TMEM245: variants seen among roughly 807,000 people sequenced by gnomAD.
The protein encoded by TMEM245 is protein CG-2.
Under a neutral mutation model 101.2 loss-of-function variants are expected in TMEM245, and 69 were observed. That is an observed-to-expected ratio of 0.68 (90% confidence interval 0.56 to 0.83). TMEM245 has a LOEUF of 0.83. TMEM245 is among the 40% of genes least tolerant of loss of function. The pLI is 0.00. For synonymous variants in TMEM245, 537 were observed against 449.8 expected (o/e 1.19, Z -2.45); for missense variants, 1,075 against 1,092.8 (o/e 0.98, Z 0.23).
rs1048904464 is a variant in TMEM245 at position 109,036,388 on chromosome 9, A to G, written c.2225-8T>C. 7 of 1,569,494 alleles carry G rather than the reference A, an allele frequency of 4.5e-6. No individual in the cohort carries two copies. Among genetic ancestry groups the G allele is most frequent in the Non-Finnish European group, 5.2e-6 (6 of 1,163,906 alleles). ...CAAGGATTGCTGCTAATGCTGAAAA[A>G]AGAGTAAAAGAAAAACAACTTAACA... On this transcript the variant is annotated splice_polypyrimidine_tract_variant and splice_region_variant and intron_variant, in intron 15 of 17. Transcript: ENST00000374586.
chr9:109,113,438 C>T (rs926235223), intron 1 of TMEM245, among the ~76,000 whole-genome samples: 2 of 152,172 alleles, frequency 1.3e-5, no homozygotes, highest in South Asian at 4.1e-4. Context: ...GCATATTTTT[C>T]CAAACTTATG....
intron 1 of TMEM245, among the ~76,000 whole-genome samples, chr9:109,110,990 C>T (rs985345454): frequency 1.3e-5 from 2 of 151,914 alleles, no homozygotes; most frequent in East Asian, 1.9e-4. Context: ...ATTAATTTTG[C>T]GCTACCAAAC....
chr9:109,051,543 C>A (rs757103035), intron 12 of TMEM245, among the ~76,000 whole-genome samples: 8 of 152,046 alleles, frequency 5.3e-5, no homozygotes, highest in Non-Finnish European at 1.0e-4. Context: ...AACTATAAAC[C>A]TTTGTAGCGT....
rs1828864946 is a variant in TMEM245, at chr9:109,057,202, T to C, written c.1843A>G (p.Thr615Ala). The change falls in exon 12 of 18, where the codon ACA (threonine) becomes GCA (alanine). Residue 615 changes from threonine (T) to alanine (A), a missense_variant. Physicochemically the swap from Thr to Ala is moderately conservative, Grantham distance 58. Transcript: ENST00000374586. ...IVSFVHENIE[T>A]FLSILESLWI... The stretch of plus-strand genomic sequence containing the variant: ...ATGCTATTTCTTACCGAAAGAAATG[T>C]CTCAATGTTCTCGTGAACAAAGGAA... 6.2e-7 allele frequency: 1 copy of C among 1,613,328 alleles called. No individual in the cohort carries two copies. The highest frequency in any genetic ancestry group is 1.3e-5 in the African/African-American group (1 of 74,916).
chr9:109,066,553 C>A (rs1327850700), intron 9 of TMEM245, among the ~76,000 whole-genome samples: 2 of 144,248 alleles, frequency 1.4e-5, no homozygotes. Flanking sequence ...AGCATATAAA[C>A]AGGAAATCTG....
At chr9:109,075,384 A>G (rs1829467095) in intron 8 of TMEM245, among the ~76,000 whole-genome samples, 1 of 152,206 alleles carries the variant, frequency 6.6e-6, no homozygotes, top group Non-Finnish European at 1.5e-5. Flanking sequence ...TCATAAAATG[A>G]GCTGACAAGT....
Position 109,050,430 on chromosome 9 carries a change from T to C in TMEM245, c.1978-2A>G. 4.3e-6 allele frequency: 7 copies of C among 1,613,850 alleles called. No individual in the cohort carries two copies. The highest frequency in any genetic ancestry group is 1.3e-5 in the African/African-American group (1 of 75,006). On this transcript the variant is annotated splice_acceptor_variant, in intron 13 of 17. Transcript: ENST00000374586. LOFTEE classifies it high-confidence loss of function. ...AAATAGTGTGGTCAGGAAAATTATCTGCAAAACAAAGGACAACATCTCCTA... is the reference window on the plus strand; with the variant it reads ...AAATAGTGTGGTCAGGAAAATTATCCGCAAAACAAAGGACAACATCTCCTA...
At chr9:109,118,412 A>C (rs191694974) in intron 1 of TMEM245, among the ~76,000 whole-genome samples, 1 of 152,352 alleles carries the variant, frequency 6.6e-6, no homozygotes, top group Non-Finnish European at 1.5e-5. Context: ...TTATGAATCA[A>C]TTGGCATTCT....
Position 109,019,522 on chromosome 9 carries a change from T to G in TMEM245, c.*938A>C, listed in dbSNP as rs937126952. On this transcript the variant is annotated 3_prime_UTR_variant, in exon 18 of 18. Transcript: ENST00000374586. ...AGTTGCAATTCAATTCAACAAGCAT[T>G]CATTTAGAGTCATGTGCAAGGCACT... is the stretch of plus-strand genomic sequence containing the variant. 1 of 152,258 alleles carries G rather than the reference T, an allele frequency of 6.6e-6. No homozygotes were observed. The highest frequency in any genetic ancestry group is 2.4e-5 in the African/African-American group (1 of 41,478). The allele number at this position is 152,258 out of a possible 1,614,324, so 9.4% of individuals were successfully genotyped here. A position where few individuals can be genotyped will look rare whatever the true frequency, so the allele number is the denominator to read the frequency against.
At chr9:109,070,790 C>T (rs1304445919) in intron 9 of TMEM245, among the ~76,000 whole-genome samples, 20 of 152,228 alleles carry the variant, frequency 1.3e-4, no homozygotes, top group Admixed American at 1.3e-3. Flanking sequence ...ATCTTACTGT[C>T]ACTACAGATT....
chr9:109,031,640 C>A (rs934450891), intron 17 of TMEM245, among the ~76,000 whole-genome samples: 1 of 152,122 alleles, frequency 6.6e-6, no homozygotes, highest in Admixed American at 6.5e-5. Context: ...GAGAAGCCTT[C>A]CAGAACAACA....
At chr9:109,114,805 G>T (rs1468280140) in intron 1 of TMEM245, among the ~76,000 whole-genome samples, 1 of 152,194 alleles carries the variant, frequency 6.6e-6, no homozygotes, top group Non-Finnish European at 1.5e-5. Context: ...CTCCACCATG[G>T]GAAGATGCCA....
At chr9:109,098,625 G>A (rs1374482417) in intron 3 of TMEM245, among the ~76,000 whole-genome samples, 1 of 151,574 alleles carries the variant, frequency 6.6e-6, no homozygotes, top group Non-Finnish European at 1.5e-5. Context: ...CCAGGACTGA[G>A]AATCTTGGCC....
intron 3 of TMEM245, 92 bp from the exon 4 acceptor site, chr9:109,093,683 A>C: frequency 9.7e-7 from 1 of 1,026,710 alleles, no homozygotes; most frequent in East Asian, 2.4e-5. Context: ...ACAACAACAA[A>C]ATAAAATGGT....
At chr9:109,108,826 T>C (rs951640926) in intron 1 of TMEM245, among the ~76,000 whole-genome samples, 4 of 152,126 alleles carry the variant, frequency 2.6e-5, no homozygotes, top group Non-Finnish European at 5.9e-5. Context: ...TCAAAACCCA[T>C]CTTATACACA....
intron 1 of TMEM245, 39 bp from the exon 2 acceptor site, chr9:109,108,609 C>A (rs1462926329): frequency 7.0e-7 from 1 of 1,424,084 alleles, no homozygotes; most frequent in Admixed American, 1.9e-5. Flanking sequence ...AATCTATACA[C>A]GTGAAAATGA....
intron 16 of TMEM245, among the ~76,000 whole-genome samples, chr9:109,034,789 G>A (rs1828068618): frequency 6.6e-6 from 1 of 152,098 alleles, no homozygotes; most frequent in Non-Finnish European, 1.5e-5. Flanking sequence ...GGGAGTTTAT[G>A]AATAAAAGCT....
Position 109,018,107 on chromosome 9 carries a change from CA to C in TMEM245, c.*2352del, listed in dbSNP as rs1407861968. ...CCTGATATTTATGCTAATAATTACC[CA>C]GCAAGAAACATTAGCTGTAGTTTTT... On this transcript the variant is annotated 3_prime_UTR_variant, in exon 18 of 18. Coordinates refer to ENST00000374586, the MANE Select transcript of TMEM245 (RefSeq NM_032012.4). 1 of 152,148 alleles carries C rather than the reference CA, an allele frequency of 6.6e-6. No individual in the cohort carries two copies. The highest frequency in any genetic ancestry group is 1.5e-5 in the Non-Finnish European group (1 of 68,020). The allele number at this position is 152,148 out of a possible 1,614,324, so 9.4% of individuals were successfully genotyped here.
intron 10 of TMEM245, among the ~76,000 whole-genome samples, chr9:109,062,162 G>A (rs1588044083): frequency 6.6e-6 from 1 of 151,952 alleles, no homozygotes; most frequent in Non-Finnish European, 1.5e-5. Flanking sequence ...ACTGACACCA[G>A]ACAGAGCTAA....
Sources: allele counts gnomAD v4.1 joint callset (sites outside exome capture counted in the v4.1 genomes callset), GRCh38; gene constraint gnomAD v4.1.1; transcripts MANE v1.5; gene names NCBI Gene and HGNC (gene_info 2026-07-23, HGNC 2026-07-21).